Variants in AGBL1 observed in about 807,000 individuals in gnomAD.
AGBL1 encodes the protein cytosolic carboxypeptidase 4.
AGBL1 carries 130 observed loss-of-function variants against 118.9 expected under a neutral mutation model. The ratio of observed to expected loss-of-function variants is 1.09; its 90% CI spans 0.95 to 1.26. AGBL1 has a LOEUF of 1.26. AGBL1 is among the 50% of genes most tolerant of loss of function. The pLI, the probability that AGBL1 is intolerant of heterozygous loss-of-function variation, is 0.00. For missense variants in AGBL1, 1,584 were observed against 1,298.1 expected, an observed-to-expected ratio of 1.22 and a Z score of -3.38; for synonymous variants, 555 against 478.9, an observed-to-expected ratio of 1.16 and a Z score of -2.08.
chr15:86,701,730 C>T (rs2086362319), intron 22 of AGBL1, among the ~76,000 whole-genome samples: 1 of 147,120 alleles, frequency 6.8e-6, no homozygotes, highest in African/African-American at 2.5e-5. Context: ...CCCTTCCCTC[C>T]ACTCCTCTCT....
At chr15:86,219,974 T>C (rs1462596093) in intron 5 of AGBL1, among the ~76,000 whole-genome samples, 5 of 126,204 alleles carry the variant, frequency 4.0e-5, no homozygotes, top group Non-Finnish European at 8.4e-5. Flanking sequence ...TTTTTTTAGA[T>C]GGAGTTTCAC....
chr15:86,848,380 A>G lies in AGBL1; in HGVS notation c.3159-58707A>G, dbSNP rs547335862. On this transcript the variant is annotated intron_variant, in intron 22 of 22. Transcript: ENST00000614907. ...CATATTAGAATCCCTGTTTCAATAAATTATTTTGGAAAGAAGGAATAGGTG... is the reference window on the plus strand; with the variant it reads ...CATATTAGAATCCCTGTTTCAATAAGTTATTTTGGAAAGAAGGAATAGGTG... Among the ~76,000 whole-genome samples the G allele has an allele frequency of 6.6e-5, 10 of 152,202 alleles. No individual in the cohort carries two copies. The South Asian group carries it at 2.1e-3, about 31-fold the overall frequency.
intron 22 of AGBL1, among the ~76,000 whole-genome samples, chr15:86,840,720 G>T (rs1010701497): frequency 1.3e-5 from 2 of 152,020 alleles, no homozygotes; most frequent in Admixed American, 1.3e-4. Context: ...GATTACAGAC[G>T]TGAGCCACCA....
upstream of AGBL1, chr15:86,079,866 C>G (rs181824831): frequency 2.5e-6 from 2 of 785,184 alleles, no homozygotes; most frequent in Non-Finnish European, 3.5e-6. Context: ...CTGAGGCCTC[C>G]GGGCAGTCGT....
At chr15:86,847,133 A>T (rs1162688919) in intron 22 of AGBL1, among the ~76,000 whole-genome samples, 1 of 152,056 alleles carries the variant, frequency 6.6e-6, no homozygotes. Context: ...CATAATTTCT[A>T]TTGCTTCATT....
chr15:86,826,127 T>A (rs776699356), intron 22 of AGBL1, among the ~76,000 whole-genome samples: 4 of 152,148 alleles, frequency 2.6e-5, no homozygotes, highest in Non-Finnish European at 4.4e-5. Context: ...CTTATTTGTG[T>A]GTGTATGTAC....
At chr15:86,827,346 T>TACACAC (rs1250302669) in intron 22 of AGBL1, among the ~76,000 whole-genome samples, 1 of 7,854 alleles carries the variant, frequency 1.3e-4, no homozygotes, top group Admixed American at 1.9e-3. Flanking sequence ...TATGTGTATA[T>TACACAC]ATATATATAT....
chr15:86,168,152 C>G (rs1407000589), intron 5 of AGBL1, among the ~76,000 whole-genome samples: 2 of 152,178 alleles, frequency 1.3e-5, no homozygotes, highest in East Asian at 3.8e-4. Flanking sequence ...TGAAAAGACA[C>G]AGTCCTTGCC....
rs534604472 is a variant in AGBL1, at chr15:86,295,679, A to G, written c.2374+271A>G. 5.6e-5 allele frequency: 15 copies of G among 268,334 alleles called. No individual in the cohort carries two copies. The Admixed American group carries it at 7.1e-4, about 13-fold the overall frequency. The allele number at this position is 268,334 out of a possible 1,614,324, so 16.6% of individuals were successfully genotyped here. A position where few individuals can be genotyped will look rare whatever the true frequency, so the allele number is the denominator to read the frequency against. Reference sequence around the variant, plus strand: ...AATGATGGTCACTTCCTCTCTTAAAACAGAACCAGGACCCTGAATCATATT... The same window carrying G: ...AATGATGGTCACTTCCTCTCTTAAAGCAGAACCAGGACCCTGAATCATATT... On this transcript the variant is annotated intron_variant, in intron 17 of 22. Coordinates refer to ENST00000614907, the MANE Select transcript of AGBL1 (RefSeq NM_001386094.1).
intron 18 of AGBL1, among the ~76,000 whole-genome samples, chr15:86,498,790 G>A (rs1305971359): frequency 6.6e-6 from 1 of 151,854 alleles, no homozygotes; most frequent in Non-Finnish European, 1.5e-5. Context: ...ATAAAACTAT[G>A]AGCAGTGAAG....
rs565688841 is a variant in AGBL1, at chr15:86,244,302, C to G, written c.527-3369C>G. On this transcript the variant is annotated intron_variant, in intron 6 of 22. Transcript: ENST00000614907. ...CAGTATTCAAAAATGCACCTCATCT[C>G]TGCTCTGTTTGCCCTGGCCCTGCAA... Among the ~76,000 whole-genome samples the G allele has an allele frequency of 3.3e-4, 50 of 152,296 alleles. No individual in the cohort carries two copies. In the South Asian group the frequency reaches 9.9e-3, roughly 30 times the overall value.
At chr15:86,586,358 GAAC>G (rs2084247667) in intron 21 of AGBL1, among the ~76,000 whole-genome samples, 1 of 151,920 alleles carries the variant, frequency 6.6e-6, no homozygotes, top group African/African-American at 2.4e-5. Context: ...ATATTTATTA[GAAC>G]TTACTATGTG....
chr15:86,142,137 C>A, intron 2 of AGBL1, 70 bp downstream of exon 2: 1 of 1,456,158 alleles, frequency 6.9e-7, no homozygotes, highest in Non-Finnish European at 9.4e-7. Flanking sequence ...CTCTCCCAGG[C>A]ACCTCTGTGA....
intron 21 of AGBL1, among the ~76,000 whole-genome samples, chr15:86,667,687 C>T (rs1242703392): frequency 1.3e-5 from 2 of 151,944 alleles, no homozygotes; most frequent in Non-Finnish European, 2.9e-5. Context: ...TCTCCTCATC[C>T]TCCTTTCCTT....
intron 1 of AGBL1, among the ~76,000 whole-genome samples, chr15:86,126,795 C>T (rs16948541): frequency 0.04 from 6,083 of 152,210 alleles, 238 homozygotes; most frequent in African/African-American, 0.096. Context: ...TTAGTTGTTG[C>T]GCTGTGGTTA....
chr15:86,454,583 T>C (rs888868765), intron 18 of AGBL1, among the ~76,000 whole-genome samples: 4 of 152,098 alleles, frequency 2.6e-5, no homozygotes, highest in Admixed American at 6.6e-5. Flanking sequence ...GAACAAAATA[T>C]TGGTAAATGC....
intron 21 of AGBL1, among the ~76,000 whole-genome samples, chr15:86,672,001 G>A (rs1484128642): frequency 1.3e-5 from 2 of 152,298 alleles, no homozygotes; most frequent in Non-Finnish European, 2.9e-5. Context: ...TAGCCCAGGA[G>A]TTCAAGGCTG....
At chr15:86,623,373 C>T (rs1010169134) in intron 21 of AGBL1, among the ~76,000 whole-genome samples, 18 of 152,196 alleles carry the variant, frequency 1.2e-4, no homozygotes, top group African/African-American at 3.9e-4. Context: ...GCAACAGCTA[C>T]TGCTAGCTGT....
rs1269571480 is a variant in AGBL1, at chr15:86,426,849, C to G, written c.2555+29303C>G. On this transcript the variant is annotated intron_variant, in intron 18 of 22. Coordinates refer to ENST00000614907, the MANE Select transcript of AGBL1 (RefSeq NM_001386094.1). Reference sequence around the variant, plus strand: ...TGGCACCATCTTGGTTCACTGCAACCTCCGCCTCCCTTTTCAAGTGTTTCT... The same window carrying G: ...TGGCACCATCTTGGTTCACTGCAACGTCCGCCTCCCTTTTCAAGTGTTTCT... 2.0e-5 allele frequency among the ~76,000 whole-genome samples: 3 copies of G among 152,176 alleles called. No individual in the cohort carries two copies. The East Asian group carries it at 5.8e-4, about 29-fold the overall frequency.
Sources: gnomAD v4.1 joint callset for allele counts (sites outside exome capture counted in the v4.1 genomes callset) on GRCh38, gnomAD v4.1.1 for gene constraint, MANE v1.5 for transcripts, NCBI Gene and HGNC (gene_info 2026-07-23, HGNC 2026-07-21) for gene names.